Variants in DNAH14 observed in about 807,000 individuals in gnomAD.
The protein encoded by DNAH14 is axonemal beta dynein heavy chain 14.
DNAH14 carries 478 observed loss-of-function variants against 520.9 expected under a neutral mutation model. The observed-to-expected ratio is 0.92, with a 90% CI of 0.85 to 0.99. The LOEUF is 0.99. Ranked by LOEUF, DNAH14 falls within the 50% of genes least tolerant of loss-of-function variation. DNAH14 has a pLI of 0.00. For missense variants in DNAH14, 4,831 were observed against 5,234.5 expected (o/e 0.92, Z 2.38); for synonymous variants, 1,581 against 1,757.2 (o/e 0.90, Z 2.51).
intron 17 of DNAH14, among the ~76,000 whole-genome samples, chr1:225,073,862 T>C (rs1161669344): frequency 6.6e-6 from 1 of 151,848 alleles, no homozygotes; most frequent in East Asian, 1.9e-4. Flanking sequence ...TTTGTATTTT[T>C]AGTAGAGACG....
chr1:225,367,959 T>G lies in DNAH14; in HGVS notation c.12245T>G (p.Val4082Gly), dbSNP rs2095573706. 3 of 1,551,528 alleles carry G rather than the reference T, an allele frequency of 1.9e-6. No individual in the cohort carries two copies. In the East Asian group the frequency reaches 7.3e-5, roughly 38 times the overall value. ...LLFSLCFFNA[V>G]INERKNYGIL... ...TTTAGCCTATGTTTTTTCAATGCTG[T>G]AATCAATGAAAGAAAAAATTACGGA... The change falls in exon 77 of 86, where the codon GTA becomes GGA. Residue 4082 changes from valine (V) to glycine (G), a missense_variant. Val to Gly is a moderately radical substitution (Grantham distance 109, BLOSUM62 -3). Coordinates refer to ENST00000682510, the MANE Select transcript of DNAH14 (RefSeq NM_001367479.1).
rs1203782543 is a variant in DNAH14 at position 225,144,452 on chromosome 1, A to G, written c.4564A>G (p.Asn1522Asp). 3 of 1,551,678 alleles carry G rather than the reference A, an allele frequency of 1.9e-6. No homozygotes were observed. The East Asian group carries it at 7.3e-5, about 38-fold the overall frequency. ...KQKLCYVSQG[N>D]ASFTYGYEYL... is the part of the protein sequence containing the mutation. Reference sequence around the variant, plus strand: ...AAAGTTGTGCTATGTGTCTCAAGGAAATGCCAGCTTTACTTATGGCTATGA... The same window carrying G: ...AAAGTTGTGCTATGTGTCTCAAGGAGATGCCAGCTTTACTTATGGCTATGA... The change falls in exon 29 of 86, where the codon AAT (asparagine) becomes GAT (aspartate). Residue 1522 changes from asparagine to aspartate, a missense_variant. Asn to Asp is a conservative substitution (Grantham distance 23). Coordinates refer to ENST00000682510, the MANE Select transcript of DNAH14 (RefSeq NM_001367479.1).
At chr1:225,215,158 G>A (rs1054322287) in intron 41 of DNAH14, among the ~76,000 whole-genome samples, 18 of 151,288 alleles carry the variant, frequency 1.2e-4, no homozygotes, top group African/African-American at 3.9e-4. Flanking sequence ...CCTTCATTTC[G>A]TTATATACCT....
At chr1:224,991,656 C>G (rs944771686) in intron 8 of DNAH14, among the ~76,000 whole-genome samples, 5 of 151,974 alleles carry the variant, frequency 3.3e-5, no homozygotes, top group African/African-American at 1.2e-4. Context: ...TTGTATTTTT[C>G]TTTCCTTTTT....
At position 225,052,119 on chromosome 1, in the gene DNAH14, G is replaced by A. The variant is rs181123597; in HGVS notation, c.2424+324G>A. Among the ~76,000 whole-genome samples, 5 of 152,100 alleles carry A rather than the reference G, an allele frequency of 3.3e-5. No individual in the cohort carries two copies. The East Asian group carries it at 7.7e-4, about 23-fold the overall frequency. ...CATTATGTTATTTATTTGTTTGTTT[G>A]TTGATCATCTATTCCATTAGAATGT... On this transcript the variant is annotated intron_variant, in intron 17 of 85. Transcript: ENST00000682510.
At chr1:225,171,151 C>A (rs1210583293) in intron 36 of DNAH14, among the ~76,000 whole-genome samples, 1 of 152,040 alleles carries the variant, frequency 6.6e-6, no homozygotes, top group Non-Finnish European at 1.5e-5. Context: ...GCACTAAATG[C>A]CCACAAGAGA....
At chr1:225,014,109 T>C (rs2065024681) in intron 10 of DNAH14, among the ~76,000 whole-genome samples, 1 of 152,172 alleles carries the variant, frequency 6.6e-6, no homozygotes, top group African/African-American at 2.4e-5. Flanking sequence ...AATTTCCTGG[T>C]CTGTGGGTTG....
intron 23 of DNAH14, among the ~76,000 whole-genome samples, chr1:225,110,519 A>G (rs1457556570): frequency 6.6e-6 from 1 of 150,452 alleles, no homozygotes; most frequent in East Asian, 1.9e-4. Flanking sequence ...ACTGGTTGTC[A>G]TGTCTCCTTT....
intron 3 of DNAH14, among the ~76,000 whole-genome samples, chr1:224,957,115 C>T (rs1156526661): frequency 2.0e-5 from 3 of 151,188 alleles, no homozygotes; most frequent in Admixed American, 1.3e-4. Context: ...GAACAAGAAT[C>T]GATATAGGGG....
chr1:225,229,605 C>T (rs572541270), intron 41 of DNAH14, among the ~76,000 whole-genome samples: 26 of 152,248 alleles, frequency 1.7e-4, no homozygotes, highest in African/African-American at 6.0e-4. Flanking sequence ...AGAATGAGTT[C>T]ATGTCCTTTG....
intron 36 of DNAH14, among the ~76,000 whole-genome samples, chr1:225,171,157 A>G (rs1229054061): frequency 1.3e-5 from 2 of 152,238 alleles, no homozygotes; most frequent in African/African-American, 2.4e-5. Context: ...AATGCCCACA[A>G]GAGAAAGCAG....
intron 19 of DNAH14, among the ~76,000 whole-genome samples, chr1:225,082,122 A>T (rs1558897545): frequency 6.6e-6 from 1 of 150,720 alleles, no homozygotes; most frequent in African/African-American, 2.4e-5. Context: ...TAAGATGTTA[A>T]TTAAATAAAT....
rs779684244 is a variant in DNAH14, at chr1:224,967,522, C to T, written c.590C>T (p.Ser197Leu). 2.3e-5 allele frequency: 37 copies of T among 1,603,098 alleles called. No homozygotes were observed. The highest frequency in any genetic ancestry group is 1.7e-4 in the Middle Eastern group (1 of 6,038). Residue 197 changes from serine (S) to leucine (L), a missense_variant, in exon 6 of 86, where the codon TCG becomes TTG. Ser to Leu is a moderately radical substitution (Grantham distance 145). Transcript: ENST00000682510. ...AATCCATATGATCTTCAGGTAGTAT[C>T]GGCTCATACTGCTAAACATTGCAAA... is the stretch of plus-strand genomic sequence containing the variant. ...LYNPYDLQVV[S>L]AHTAKHCKEF... is the part of the protein sequence containing the mutation.
intron 54 of DNAH14, among the ~76,000 whole-genome samples, chr1:225,278,528 C>T (rs1203865908): frequency 6.6e-6 from 1 of 152,116 alleles, no homozygotes; most frequent in Middle Eastern, 3.2e-3. Context: ...AGTCTGTCTC[C>T]TTATTCTGCT....
In DNAH14 at chr1:225,012,089, C is replaced by T. The variant is rs182582684; in HGVS notation, c.1107+4545C>T. On this transcript the variant is annotated intron_variant, in intron 10 of 85. Coordinates refer to ENST00000682510, the MANE Select transcript of DNAH14 (RefSeq NM_001367479.1). Reference sequence around the variant, plus strand: ...GGCATGTTTTTGCAGTGGCTGGTACCGGTTTTTCCTTTCCATATTTAGTGC... The same window carrying T: ...GGCATGTTTTTGCAGTGGCTGGTACTGGTTTTTCCTTTCCATATTTAGTGC... Among the ~76,000 whole-genome samples the T allele has an allele frequency of 4.1e-3, 628 of 152,106 alleles. 5 individuals are homozygous for T. The highest frequency in any genetic ancestry group is 0.013 in the African/African-American group (560 of 41,494).
At chr1:225,318,780 T>A in intron 61 of DNAH14, 103 bp downstream of exon 61, 1 of 1,083,020 alleles carries the variant, frequency 9.2e-7, no homozygotes, top group South Asian at 1.8e-5. Flanking sequence ...ACTAAGCCTA[T>A]ATTCCATTTC....
intron 36 of DNAH14, among the ~76,000 whole-genome samples, chr1:225,176,821 A>C (rs1409967513): frequency 6.6e-6 from 1 of 152,226 alleles, no homozygotes; most frequent in East Asian, 1.9e-4. Context: ...CTGTAAGTTC[A>C]ATTAAACCTC....
At chr1:225,216,449 T>A (rs533165577) in intron 41 of DNAH14, among the ~76,000 whole-genome samples, 1 of 152,352 alleles carries the variant, frequency 6.6e-6, no homozygotes, top group South Asian at 2.1e-4. Flanking sequence ...CCTGCCTTGC[T>A]AGGTTGTGGA....
At chr1:225,315,173 T>G (rs906582898) in intron 60 of DNAH14, among the ~76,000 whole-genome samples, 2 of 151,916 alleles carry the variant, frequency 1.3e-5, no homozygotes, top group African/African-American at 4.8e-5. Flanking sequence ...CCTTCATGCT[T>G]TATTTCATTA....
Sources: allele counts gnomAD v4.1 joint callset (sites outside exome capture counted in the v4.1 genomes callset), GRCh38; gene constraint gnomAD v4.1.1; transcripts MANE v1.5; gene names NCBI Gene and HGNC (gene_info 2026-07-23, HGNC 2026-07-21).